KIF21A: variants seen among roughly 807,000 people sequenced by gnomAD.
KIF21A encodes the protein kinesin-like protein KIF21A.
KIF21A carries 114 observed loss-of-function variants against 202.9 expected under a neutral mutation model. The observed-to-expected ratio is 0.56, with a 90% CI of 0.48 to 0.66. The LOEUF (loss-of-function observed/expected upper bound fraction) is 0.66. KIF21A is among the 30% of genes least tolerant of loss of function. KIF21A has a pLI of 0.00. For synonymous variants in KIF21A, 667 were observed against 670.8 expected (o/e 0.99, Z 0.09); for missense variants, 1,677 against 1,994.9 (o/e 0.84, Z 3.04).
chr12:39,388,459 G>A (rs970385527), intron 1 of KIF21A, among the ~76,000 whole-genome samples: 5 of 152,040 alleles, frequency 3.3e-5, no homozygotes, highest in African/African-American at 4.8e-5. Flanking sequence ...AAAAATGGAC[G>A]AAGACATTCT....
intron 1 of KIF21A, among the ~76,000 whole-genome samples, chr12:39,374,472 A>C (rs1350573466): frequency 1.3e-5 from 2 of 152,174 alleles, no homozygotes; most frequent in African/African-American, 4.8e-5. Context: ...AGATTTTTAA[A>C]AATGTATTAT....
intron 26 of KIF21A, among the ~76,000 whole-genome samples, chr12:39,325,401 G>A (rs1256153579): frequency 6.7e-6 from 1 of 150,254 alleles, no homozygotes; most frequent in Non-Finnish European, 1.5e-5. Context: ...GCGCGATCTC[G>A]GTTCACTGCA....
chr12:39,371,234 T>C (rs1490759660), intron 1 of KIF21A, among the ~76,000 whole-genome samples: 1 of 152,136 alleles, frequency 6.6e-6, no homozygotes, highest in Non-Finnish European at 1.5e-5. Flanking sequence ...TGACTGTGTA[T>C]AGAAAAGCAG....
rs1351512351 is a variant in KIF21A, at chr12:39,355,707, T to TTTTATATATATATATATA, written c.1469+1124_1469+1125insTATATATATATATATAAA. Among the ~76,000 whole-genome samples the TTTTATATATATATATATA allele has an allele frequency of 1.2e-4, 12 of 101,228 alleles. No homozygotes were observed. The South Asian group carries it at 2.0e-3, about 17-fold the overall frequency. 66.4% of individuals were successfully genotyped at this position (101,228 alleles called of 152,430 possible). A position where few individuals can be genotyped will look rare whatever the true frequency, so the allele number is the denominator to read the frequency against. On this transcript the variant is annotated intron_variant, in intron 10 of 37. Coordinates refer to ENST00000361418, the MANE Select transcript of KIF21A (RefSeq NM_001173464.2). The stretch of plus-strand genomic sequence containing the variant: ...TACCAAAAACATGAAGCATGAACAA[T>TTTTATATATATATATATA]TATATATATATATATATATATATAT...
chr12:39,302,885 A>T, intron 36 of KIF21A, 80 bp downstream of exon 36: 1 of 1,182,332 alleles, frequency 8.5e-7, no homozygotes, highest in Non-Finnish European at 1.3e-6. Context: ...AAATCTACAT[A>T]GAAGCTCTTC....
intron 7 of KIF21A, among the ~76,000 whole-genome samples, chr12:39,361,082 C>T (rs937095872): frequency 5.9e-5 from 9 of 152,334 alleles, no homozygotes; most frequent in Admixed American, 4.6e-4. Context: ...GAACATGAGA[C>T]TATTTAGCTG....
intron 33 of KIF21A, among the ~76,000 whole-genome samples, chr12:39,308,444 C>T (rs1326449861): frequency 6.6e-6 from 1 of 151,820 alleles, no homozygotes; most frequent in Non-Finnish European, 1.5e-5. Flanking sequence ...TATTTTCCTA[C>T]AGCTTCCAGA....
At chr12:39,296,463 A>G (rs964528832) in intron 37 of KIF21A, among the ~76,000 whole-genome samples, 1 of 152,246 alleles carries the variant, frequency 6.6e-6, no homozygotes, top group African/African-American at 2.4e-5. Context: ...GAGACAGACA[A>G]TAAACCATAA....
intron 9 of KIF21A, 126 bp from the exon 10 acceptor site, chr12:39,357,021 C>A: frequency 1.5e-6 from 1 of 663,712 alleles, no homozygotes; most frequent in Non-Finnish European, 2.6e-6. Flanking sequence ...AAATTTTCTA[C>A]CCTTTATTAC....
chr12:39,426,729 A>T (rs890360791), intron 1 of KIF21A, among the ~76,000 whole-genome samples: 14 of 151,230 alleles, frequency 9.3e-5, no homozygotes, highest in African/African-American at 3.4e-4. Context: ...AAAAAAAAAA[A>T]AAAAAATAGC....
At chr12:39,423,252 G>A (rs977694723) in intron 1 of KIF21A, among the ~76,000 whole-genome samples, 4 of 152,046 alleles carry the variant, frequency 2.6e-5, no homozygotes, top group East Asian at 3.9e-4. Flanking sequence ...GTCAGTGCCC[G>A]GAGATGAGTT....
chr12:39,360,068 A>G (rs1949087583), intron 7 of KIF21A, among the ~76,000 whole-genome samples: 2 of 152,198 alleles, frequency 1.3e-5, no homozygotes. Flanking sequence ...GGGCTTAAGA[A>G]GAATAGTGAA....
intron 36 of KIF21A, 73 bp from the exon 37 acceptor site, chr12:39,301,752 G>T: frequency 7.7e-7 from 1 of 1,306,918 alleles, no homozygotes; most frequent in Non-Finnish European, 1.1e-6. Flanking sequence ...AAAATAAACT[G>T]AAAAACATTT....
intron 17 of KIF21A, among the ~76,000 whole-genome samples, chr12:39,336,376 A>C (rs1425961968): frequency 2.0e-5 from 3 of 152,186 alleles, no homozygotes; most frequent in Non-Finnish European, 4.4e-5. Context: ...GTATCCTTTG[A>C]ATTTTCCTTC....
Position 39,332,423 on chromosome 12 carries a change from G to C in KIF21A, c.2857-15C>G, listed in dbSNP as rs374598363. The stretch of plus-strand genomic sequence containing the variant: ...TCCTCCCGTTGCTATTGAGAAAGCA[G>C]GTTGGATTTTAAGAAATTATGTTCA... On this transcript the variant is annotated splice_polypyrimidine_tract_variant and intron_variant, in intron 20 of 37. Coordinates refer to ENST00000361418, the MANE Select transcript of KIF21A (RefSeq NM_001173464.2). The C allele has an allele frequency of 3.1e-6, 5 of 1,612,556 alleles. No homozygotes were observed. In the African/African-American group the frequency reaches 5.3e-5, roughly 17 times the overall value.
At chr12:39,427,870 G>C (rs1401235528) in intron 1 of KIF21A, among the ~76,000 whole-genome samples, 2 of 152,184 alleles carry the variant, frequency 1.3e-5, no homozygotes. Context: ...TGTTGGCCAG[G>C]CTGATCTCAA....
intron 1 of KIF21A, among the ~76,000 whole-genome samples, chr12:39,435,280 T>C (rs1566388329): frequency 2.0e-5 from 3 of 152,236 alleles, no homozygotes. Context: ...CTCAAGTCAA[T>C]AATCCAATGT....
At position 39,342,046 on chromosome 12, in the gene KIF21A, A is replaced by G. The variant is rs764327954; in HGVS notation, c.1791T>C (p.Asn597=). ...EEKGVSEREN[N]ELEVEESQEV... Reference sequence around the variant, plus strand: ...CTTTCATACTTACCACTTCTAATTCATTGTTTTCTCTTTCCGAAACACCCT... The same window carrying G: ...CTTTCATACTTACCACTTCTAATTCGTTGTTTTCTCTTTCCGAAACACCCT... The change falls in exon 13 of 38, where the codon AAT becomes AAC. Residue 597 remains asparagine, a synonymous_variant. Transcript: ENST00000361418. 10 of 1,607,364 alleles carry G rather than the reference A, an allele frequency of 6.2e-6. No homozygotes were observed. The highest frequency in any genetic ancestry group is 7.7e-6 in the Non-Finnish European group (9 of 1,174,482).
In KIF21A at chr12:39,349,027, A is replaced by G. The variant is rs570020390; in HGVS notation, c.1674-2523T>C. ...AGAGAAAAAAATAGATAATTTTGAA[A>G]TTGGGAGTACTTCAGGGTAGGGCAG... On this transcript the variant is annotated intron_variant, in intron 11 of 37. Transcript: ENST00000361418. Among the ~76,000 whole-genome samples, 38 of 152,128 alleles carry G rather than the reference A, an allele frequency of 2.5e-4. 1 individual carries two copies. The highest frequency in any genetic ancestry group is 9.1e-4 in the African/African-American group (38 of 41,534).
Sources: allele counts gnomAD v4.1 joint callset (sites outside exome capture counted in the v4.1 genomes callset), GRCh38; gene constraint gnomAD v4.1.1; transcripts MANE v1.5; gene names NCBI Gene and HGNC (gene_info 2026-07-23, HGNC 2026-07-21).